NUP43: variants seen among roughly 807,000 people sequenced by gnomAD.
NUP43 encodes the protein nucleoporin 43.
In NUP43, 32 loss-of-function variants were observed where a neutral mutation model predicts 47.3. The ratio of observed to expected loss-of-function variants is 0.68; its 90% CI spans 0.51 to 0.91. NUP43 has a LOEUF of 0.91. Ranked by LOEUF, NUP43 falls within the 40% of genes least tolerant of loss-of-function variation. The probability of loss-of-function intolerance (pLI) is 0.00; values close to 1 mark genes in which losing one functional copy is unlikely to be tolerated. For missense variants in NUP43, 444 were observed against 453.9 expected, an observed-to-expected ratio of 0.98 and a Z score of 0.20; for synonymous variants, 147 against 158.4, an observed-to-expected ratio of 0.93 and a Z score of 0.54.
At chr6:149,745,122 C>T (rs1489127943) in intron 2 of NUP43, among the ~76,000 whole-genome samples, 1 of 150,940 alleles carries the variant, frequency 6.6e-6, no homozygotes, top group African/African-American at 2.4e-5. Context: ...TAATTTCGGC[C>T]GGGCGCCATG....
chr6:149,733,553 C>T (rs1785165882), intron 6 of NUP43, among the ~76,000 whole-genome samples: 1 of 151,948 alleles, frequency 6.6e-6, no homozygotes, highest in South Asian at 2.1e-4. Context: ...TTAAGCAATC[C>T]GCCTATCTCA....
chr6:149,746,538 T>C (rs569891891), upstream of NUP43: 20 of 1,613,918 alleles, frequency 1.2e-5, no homozygotes, highest in East Asian at 4.5e-5. Flanking sequence ...GCAAGCACAG[T>C]ACGCGCCTCT....
chr6:149,744,989 C>A (rs368591359), intron 2 of NUP43, among the ~76,000 whole-genome samples: 2 of 150,444 alleles, frequency 1.3e-5, no homozygotes, highest in African/African-American at 2.4e-5. Flanking sequence ...GCAACCTCTG[C>A]GCCCGGGTTC....
chr6:149,732,835 A>C (rs1447724835), intron 6 of NUP43, among the ~76,000 whole-genome samples: 1 of 152,086 alleles, frequency 6.6e-6, no homozygotes, highest in Non-Finnish European at 1.5e-5. Flanking sequence ...AAAAGAGCAA[A>C]ACTACGTCTC....
At chr6:149,748,685 T>C (rs758108482), upstream of NUP43, among the ~76,000 whole-genome samples, 5 of 151,842 alleles carry the variant, frequency 3.3e-5, no homozygotes, top group Non-Finnish European at 7.4e-5. Flanking sequence ...GGCGGGTGCC[T>C]GTAGTCCCAG....
chr6:149,729,617 T>C (rs1410194399), intron 7 of NUP43: 1 of 715,914 alleles, frequency 1.4e-6, no homozygotes, highest in Middle Eastern at 7.3e-4. Context: ...CTATTTGTTC[T>C]CCCAGCACCC....
intron 6 of NUP43, among the ~76,000 whole-genome samples, chr6:149,732,563 T>C (rs1262424816): frequency 7.2e-6 from 1 of 138,792 alleles, no homozygotes; most frequent in Admixed American, 7.5e-5. Flanking sequence ...AAAAAAAAAA[T>C]GTCCAGGCGC....
chr6:149,736,350 C>T, intron 6 of NUP43, 121 bp downstream of exon 6: 3 of 585,654 alleles, frequency 5.1e-6, no homozygotes, highest in Non-Finnish European at 8.1e-6. Context: ...TTTAAATTTA[C>T]ACAATTCAGC....
chr6:149,743,430 T>C (rs1437030389), intron 3 of NUP43, among the ~76,000 whole-genome samples: 13 of 151,652 alleles, frequency 8.6e-5, no homozygotes, highest in African/African-American at 2.4e-5. Flanking sequence ...ACCCCGTCTC[T>C]ACTAAAAATA....
upstream of NUP43, among the ~76,000 whole-genome samples, chr6:149,747,496 C>T (rs1330119780): frequency 6.6e-6 from 1 of 151,148 alleles, no homozygotes; most frequent in Non-Finnish European, 1.5e-5. Context: ...CCATATTGGC[C>T]AGGCTGGTCT....
At chr6:149,731,562 T>TTA in intron 7 of NUP43, 51 bp downstream of exon 7, 3 of 1,293,390 alleles carry the variant, frequency 2.3e-6, no homozygotes, top group East Asian at 2.9e-5. Flanking sequence ...GACTCTGTCT[T>TTA]AAAAAAAAAA....
chr6:149,735,993 A>C (rs1242065121), intron 6 of NUP43, among the ~76,000 whole-genome samples: 3 of 149,300 alleles, frequency 2.0e-5, no homozygotes, highest in South Asian at 2.1e-4. Flanking sequence ...AAAAAAAAAA[A>C]AAAACCAGGC....
intron 5 of NUP43, among the ~76,000 whole-genome samples, chr6:149,736,845 T>G (rs1018649430): frequency 6.6e-6 from 1 of 152,148 alleles, no homozygotes; most frequent in Non-Finnish European, 1.5e-5. Flanking sequence ...TGTACCATCA[T>G]GCCTGGTTAA....
intron 4 of NUP43, among the ~76,000 whole-genome samples, chr6:149,739,417 C>A (rs1785534829): frequency 6.6e-6 from 1 of 151,830 alleles, no homozygotes; most frequent in African/African-American, 2.4e-5. Flanking sequence ...CTCTCTAGTA[C>A]CTGGGATTAC....
chr6:149,726,997 A>G lies in NUP43; in HGVS notation c.1115T>C (p.Ile372Thr), dbSNP rs779141310. 1.9e-6 allele frequency: 3 copies of G among 1,613,740 alleles called. No individual in the cohort carries two copies. The highest frequency in any genetic ancestry group is 2.5e-6 in the Non-Finnish European group (3 of 1,179,748). ...CGAAAAAAGATGTCTAGTAACATAAATTGCTTCTGCATCGGTTCCACAAAC... is the reference window on the plus strand; with the variant it reads ...CGAAAAAAGATGTCTAGTAACATAAGTTGCTTCTGCATCGGTTCCACAAAC... Reference protein sequence around the residue: ...CLVCGTDAEAIYVTRHLFS With the variant: ...CLVCGTDAEATYVTRHLFS Residue 372 changes from isoleucine (I) to threonine (T), a missense_variant, in exon 8 of 8, where the codon ATT (isoleucine) becomes ACT (threonine). Coordinates refer to ENST00000340413, the MANE Select transcript of NUP43 (RefSeq NM_198887.3).
intron 6 of NUP43, among the ~76,000 whole-genome samples, chr6:149,735,899 G>C (rs1785311880): frequency 6.6e-6 from 1 of 150,672 alleles, no homozygotes; most frequent in African/African-American, 2.4e-5. Context: ...CCTGAGCCCT[G>C]GAAGTCAAGG....
At chr6:149,729,839 G>A (rs1784946657) in intron 7 of NUP43, among the ~76,000 whole-genome samples, 1 of 152,064 alleles carries the variant, frequency 6.6e-6, no homozygotes, top group Admixed American at 6.6e-5. Context: ...CACATGGTAG[G>A]CATTCAGTAA....
At chr6:149,739,154 G>T (rs1785516395) in intron 4 of NUP43, among the ~76,000 whole-genome samples, 1 of 152,030 alleles carries the variant, frequency 6.6e-6, no homozygotes, top group African/African-American at 2.4e-5. Context: ...AATTTTGTAT[G>T]TTTAGTAGAG....
intron 4 of NUP43, among the ~76,000 whole-genome samples, chr6:149,739,017 G>A (rs1251381756): frequency 1.4e-5 from 2 of 145,180 alleles, no homozygotes; most frequent in African/African-American, 5.1e-5. Flanking sequence ...TTTTTTGCTC[G>A]TTGCCCAGGC....
Sources: gnomAD v4.1 joint callset for allele counts (sites outside exome capture counted in the v4.1 genomes callset) on GRCh38, gnomAD v4.1.1 for gene constraint, MANE v1.5 for transcripts, NCBI Gene and HGNC (gene_info 2026-07-23, HGNC 2026-07-21) for gene names.